Variants in BICDL2 observed in about 807,000 individuals in gnomAD.
BICDL2 encodes BICD family-like cargo adapter 2.
Under a neutral mutation model 56.6 loss-of-function variants are expected in BICDL2, and 62 were observed. That is an observed-to-expected ratio of 1.10 (90% CI 0.89 to 1.35). BICDL2 has a LOEUF of 1.35. BICDL2 is among the 40% of genes most tolerant of loss of function. The pLI is 0.00. For synonymous variants in BICDL2, 358 were observed against 319.8 expected (o/e 1.12, Z -1.27); for missense variants, 808 against 684.5 (o/e 1.18, Z -2.01).
chr16:3,028,164 A>AGAAGCGGGGCGCG lies in BICDL2; in HGVS notation c.1468_1469insCGCGCCCCGCTTC (p.Leu490ProfsTer18). The AGAAGCGGGGCGCG allele has an allele frequency of 3.5e-6, 5 of 1,445,532 alleles. No homozygotes were observed. Among genetic ancestry groups the AGAAGCGGGGCGCG allele is most frequent in the Non-Finnish European group, 4.5e-6 (5 of 1,107,456 alleles). The allele number at this position is 1,445,532 out of a possible 1,614,324, so 89.5% of individuals were successfully genotyped here. Reference sequence around the variant, plus strand: ...ACCGGCGGGCCCGGGGCCCAGGCGCAGCGAGAAGCGGGGCGCGGCACGGCG... The same window carrying AGAAGCGGGGCGCG: ...ACCGGCGGGCCCGGGGCCCAGGCGCAGAAGCGGGGCGCGGCGAGAAGCGGGGCGCGGCACGGCG... On this transcript the variant is annotated frameshift_variant, in exon 10 of 10. Transcript: ENST00000572449. LOFTEE classifies it high-confidence loss of function.
rs779910216 is a variant in BICDL2 at position 3,028,157 on chromosome 16, C to T, written c.1476G>A (p.Leu492=). 5 of 1,446,148 alleles carry T rather than the reference C, an allele frequency of 3.5e-6. No homozygotes were observed. Among genetic ancestry groups the T allele is most frequent in the Non-Finnish European group, 3.6e-6 (4 of 1,107,628 alleles). The allele number at this position is 1,446,148 out of a possible 1,614,324, so 89.6% of individuals were successfully genotyped here. A position where few individuals can be genotyped will look rare whatever the true frequency, so the allele number is the denominator to read the frequency against. The change falls in exon 10 of 10, where the codon CTG becomes CTA. Residue 492 remains leucine (L), a synonymous_variant. Coordinates refer to ENST00000572449, the MANE Select transcript of BICDL2 (RefSeq NM_001369667.1). ...GAAAGCCACCGGCGGGCCCGGGGCC[C>T]AGGCGCAGCGAGAAGCGGGGCGCGG... ...RRAAPRFSLR[L]GPGPAGGFLS...
chr16:3,029,806 G>A, intron 5 of BICDL2, 67 bp from the exon 6 acceptor site: 3 of 1,360,854 alleles, frequency 2.2e-6, no homozygotes, highest in African/African-American at 1.5e-5. Flanking sequence ...GACATCCCGC[G>A]GCAGGTCCAC....
At chr16:3,036,604 C>T (rs979106156) in intron 1 of BICDL2, 4 of 451,306 alleles carry the variant, frequency 8.9e-6, no homozygotes, top group African/African-American at 4.0e-5. Context: ...CTCGCGGGCC[C>T]CGCTCCCCCG....
At chr16:3,035,176 T>TTGGCCCGGGGGGGGGGGGGGGG in intron 2 of BICDL2, 39 bp downstream of exon 2, 31 of 136,264 alleles carry the variant, frequency 2.3e-4, no homozygotes, top group Middle Eastern at 2.6e-3. Context: ...CGTCCTCCCC[T>TTGGCCCGGGGGGGGGGGGGGGG]GCCCACCCAC....
Position 3,028,267 on chromosome 16 carries a change from T to A in BICDL2, c.1366A>T (p.Met456Leu). The A allele has an allele frequency of 6.7e-7, 1 of 1,489,744 alleles. No homozygotes were observed. Among genetic ancestry groups the A allele is most frequent in the Non-Finnish European group, 8.8e-7 (1 of 1,133,142 alleles). 92.3% of individuals were successfully genotyped at this position (1,489,744 alleles called of 1,614,324 possible). The change falls in exon 10 of 10, where the codon ATG becomes TTG. Residue 456 changes from methionine (M) to leucine (L), a missense_variant. Met to Leu is a conservative substitution (Grantham distance 15). Coordinates refer to ENST00000572449, the MANE Select transcript of BICDL2 (RefSeq NM_001369667.1). The part of the protein sequence containing the change: ...TQELEAWQDD[M>L]QVVIGQQLRS... ...AGCTGCTGCCCGATCACCACCTGCA[T>A]GTCGTCCTGCGGGAGGCCGTGGTCG...
At chr16:3,035,116 T>A (rs1955711860) in intron 2 of BICDL2, 99 bp downstream of exon 2, 3 of 1,218,648 alleles carry the variant, frequency 2.5e-6, no homozygotes, top group Non-Finnish European at 3.4e-6. Context: ...CCCCAGCTCC[T>A]CTCTCCTTCC....
chr16:3,028,202 CG>C lies in BICDL2; in HGVS notation c.1430del (p.Ser477CysfsTer66). 1 of 1,467,460 alleles carries C rather than the reference CG, an allele frequency of 6.8e-7. No individual in the cohort carries two copies. The highest frequency in any genetic ancestry group is 8.9e-7 in the Non-Finnish European group (1 of 1,121,178). 90.9% of individuals were successfully genotyped at this position (1,467,460 alleles called of 1,614,324 possible). On this transcript the variant is annotated frameshift_variant, in exon 10 of 10. Transcript: ENST00000572449. LOFTEE classifies it low-confidence loss of function (END_TRUNC). ...QRQKELSASASSSTPRRAAPR... is the reference protein window; with the variant it reads ...QRQKELSASAXSSTPRRAAPR... Reference sequence around the variant, plus strand: ...GCGCGGCACGGCGCGGGGTCGACGACGACGCGGAGGCGCTCAGCTCCTTCTG... The same window carrying C: ...GCGCGGCACGGCGCGGGGTCGACGACACGCGGAGGCGCTCAGCTCCTTCTG...
intron 7 of BICDL2, 36 bp from the exon 8 acceptor site, chr16:3,028,866 G>C: frequency 6.6e-7 from 1 of 1,518,656 alleles, no homozygotes; most frequent in Non-Finnish European, 8.8e-7. Context: ...CGGCAGATGG[G>C]CCAATGGGCC....
Position 3,027,687 on chromosome 16 carries a change from G to A in BICDL2, c.*419C>T, listed in dbSNP as rs1294972583. The stretch of plus-strand genomic sequence containing the variant: ...TGACGACACCCCCAGCCAGCTCAGG[G>A]TTTTAGAGTGTTTTTCATTTTCTTT... On this transcript the variant is annotated 3_prime_UTR_variant, in exon 10 of 10. Transcript: ENST00000572449. 2.6e-6 allele frequency: 4 copies of A among 1,561,976 alleles called. No homozygotes were observed. The highest frequency in any genetic ancestry group is 2.6e-6 in the Non-Finnish European group (3 of 1,159,520).
At position 3,031,090 on chromosome 16, in the gene BICDL2, C is replaced by T; in HGVS notation, c.343G>A (p.Glu115Lys). The change falls in exon 3 of 10, where the codon GAG becomes AAG. Residue 115 changes from glutamate to lysine, a missense_variant. Glu to Lys is a moderately conservative substitution (Grantham distance 56). Transcript: ENST00000572449. ...CCCTCCAGCTCCACGGCCCGGGCCT[C>T]CCACTCGGCTCCTCGGGCTGCCAGG... is the stretch of plus-strand genomic sequence containing the variant. ...RGLAARGAEW[E>K]ARAVELEGDV... is the part of the protein sequence containing the mutation. The T allele has an allele frequency of 6.5e-7, 1 of 1,536,642 alleles. No homozygotes were observed. The highest frequency in any genetic ancestry group is 1.2e-5 in the South Asian group (1 of 84,022).
intron 1 of BICDL2, chr16:3,036,434 G>A (rs1224820214): frequency 2.2e-6 from 1 of 456,192 alleles, no homozygotes; most frequent in Admixed American, 2.3e-5. Flanking sequence ...ACCAGCCCCA[G>A]CCCTCCGGGG....
intron 2 of BICDL2, chr16:3,031,895 T>A (rs1310269082): frequency 4.7e-6 from 1 of 212,758 alleles, no homozygotes; most frequent in Admixed American, 5.9e-5. Flanking sequence ...GTGCCTTGCC[T>A]AAGGACACAC....
At chr16:3,036,473 G>C in intron 1 of BICDL2, 1 of 456,252 alleles carries the variant, frequency 2.2e-6, no homozygotes, top group South Asian at 1.5e-5. Context: ...ACACACACCC[G>C]TGCTCTCCCT....
In BICDL2 at chr16:3,028,267, TGTC is replaced by T. The variant is rs759153279; in HGVS notation, c.1363_1365del (p.Asp455del). 2.0e-6 allele frequency: 3 copies of T among 1,489,744 alleles called. No individual in the cohort carries two copies. The highest frequency in any genetic ancestry group is 4.9e-5 in the Admixed American group (2 of 40,968). 92.3% of individuals were successfully genotyped at this position (1,489,744 alleles called of 1,614,324 possible). On this transcript the variant is annotated inframe_deletion, in exon 10 of 10. Coordinates refer to ENST00000572449, the MANE Select transcript of BICDL2 (RefSeq NM_001369667.1). The stretch of plus-strand genomic sequence containing the variant: ...AGCTGCTGCCCGATCACCACCTGCA[TGTC>T]GTCCTGCGGGAGGCCGTGGTCGGCT...
chr16:3,036,475 G>A, intron 1 of BICDL2: 1 of 456,294 alleles, frequency 2.2e-6, no homozygotes, highest in Non-Finnish European at 4.4e-6. Flanking sequence ...ACACACCCGT[G>A]CTCTCCCTCC....
Position 3,031,032 on chromosome 16 carries a change from T to C in BICDL2, c.401A>G (p.Glu134Gly). The C allele has an allele frequency of 6.5e-7, 1 of 1,545,750 alleles. No homozygotes were observed. The highest frequency in any genetic ancestry group is 8.7e-7 in the Non-Finnish European group (1 of 1,151,570). ...DVEALRAQLGEQRSEQQDSGR... is the reference protein window; with the variant it reads ...DVEALRAQLGGQRSEQQDSGR... The stretch of plus-strand genomic sequence containing the variant: ...ACTGTCCTGCTGCTCTGAGCGCTGC[T>C]CCCCAAGCTGGGCCCGCAGGGCCTC... Residue 134 changes from glutamate to glycine, a missense_variant, in exon 3 of 10, where the codon GAG (glutamate) becomes GGG (glycine). Transcript: ENST00000572449.
Position 3,027,987 on chromosome 16 carries a change from T to C in BICDL2, c.*119A>G. On this transcript the variant is annotated 3_prime_UTR_variant, in exon 10 of 10. Transcript: ENST00000572449. ...GCTCCCGATGAGCCCTTGCCCAGCATCCTGGGGCGGGGAGGGCATCAGCTT... is the reference window on the plus strand; with the variant it reads ...GCTCCCGATGAGCCCTTGCCCAGCACCCTGGGGCGGGGAGGGCATCAGCTT... The C allele has an allele frequency of 7.6e-7, 1 of 1,317,736 alleles. No individual in the cohort carries two copies. The highest frequency in any genetic ancestry group is 9.8e-7 in the Non-Finnish European group (1 of 1,016,288). The allele number at this position is 1,317,736 out of a possible 1,614,324, so 81.6% of individuals were successfully genotyped here. A position where few individuals can be genotyped will look rare whatever the true frequency, so the allele number is the denominator to read the frequency against.
rs748009713 is a variant in BICDL2 at position 3,036,557 on chromosome 16, C to T, written c.-31+337G>A. On this transcript the variant is annotated intron_variant, in intron 1 of 9. Coordinates refer to ENST00000572449, the MANE Select transcript of BICDL2 (RefSeq NM_001369667.1). ...TGTCACGGTGGTCCCAGCCCAGCCG[C>T]CCCCAGGCCGCTCCCGGGGACCTCC... 23 of 451,784 alleles carry T rather than the reference C, an allele frequency of 5.1e-5. No individual in the cohort carries two copies. In the East Asian group the frequency reaches 1.4e-3, roughly 27 times the overall value. 28.0% of individuals were successfully genotyped at this position (451,784 alleles called of 1,614,324 possible).
chr16:3,031,787 T>C (rs900466867), intron 2 of BICDL2: 3 of 369,614 alleles, frequency 8.1e-6, no homozygotes, highest in Admixed American at 4.6e-5. Flanking sequence ...GCAGGTACCC[T>C]GCATTAGGGC....
Sources: gnomAD v4.1 joint callset for allele counts on GRCh38, gnomAD v4.1.1 for gene constraint, MANE v1.5 for transcripts, NCBI Gene and HGNC (gene_info 2026-07-23, HGNC 2026-07-21) for gene names.